FRMD4A: variants seen among roughly 807,000 people sequenced by gnomAD.
FRMD4A encodes the protein FERM domain containing 4A, also known as FERM domain-containing protein 4A.
FRMD4A carries 29 observed loss-of-function variants against 129.1 expected under a neutral mutation model. The ratio of observed to expected loss-of-function variants is 0.22; its 90% CI spans 0.17 to 0.31. The LOEUF (loss-of-function observed/expected upper bound fraction) is 0.31. FRMD4A is among the 10% of genes least tolerant of loss of function. The pLI is 1.00. For synonymous variants in FRMD4A, 634 were observed against 571.6 expected (o/e 1.11, Z -1.56); for missense variants, 1,272 against 1,375.8 (o/e 0.92, Z 1.19).
chr10:14,048,428 C>T (rs1468664770), intron 2 of FRMD4A, among the ~76,000 whole-genome samples: 1 of 152,214 alleles, frequency 6.6e-6, no homozygotes, highest in African/African-American at 2.4e-5. Flanking sequence ...GCCAGAATTT[C>T]ACAGTAGTAA....
At chr10:14,071,652 T>G (rs1835324834) in intron 2 of FRMD4A, among the ~76,000 whole-genome samples, 1 of 152,132 alleles carries the variant, frequency 6.6e-6, no homozygotes, top group Non-Finnish European at 1.5e-5. Context: ...AAATTATTAC[T>G]GTCCTTAAAC....
rs999844744 is a variant in FRMD4A, at chr10:14,006,590, A to G, written c.46-147678T>C. Among the ~76,000 whole-genome samples, 10 of 152,202 alleles carry G rather than the reference A, an allele frequency of 6.6e-5. No homozygotes were observed. In the East Asian group the frequency reaches 1.9e-3, roughly 29 times the overall value. On this transcript the variant is annotated intron_variant, in intron 2 of 24. Transcript: ENST00000357447. ...TTTGTGTGTGTGTGTGTGCGCGTCT[A>G]TAAAGGAAGACTATGTGCTCAATGT...
intron 2 of FRMD4A, among the ~76,000 whole-genome samples, chr10:13,860,850 C>T (rs2094285413): frequency 6.6e-6 from 1 of 152,090 alleles, no homozygotes; most frequent in South Asian, 2.1e-4. Context: ...ATGATCTTAA[C>T]TCACTGCAAC....
Position 14,159,789 on chromosome 10 carries a change from C to T in FRMD4A, c.45+170269G>A, listed in dbSNP as rs546702621. 5.3e-5 allele frequency among the ~76,000 whole-genome samples: 8 copies of T among 152,340 alleles called. No individual in the cohort carries two copies. The South Asian group carries it at 1.7e-3, about 32-fold the overall frequency. On this transcript the variant is annotated intron_variant, in intron 2 of 24. Coordinates refer to ENST00000357447, the MANE Select transcript of FRMD4A (RefSeq NM_018027.5). Reference sequence around the variant, plus strand: ...TGCTGGCTGGGCACAGTGACTCCCTCCTGTAATCCTCGCACTTTGGAAGAC... The same window carrying T: ...TGCTGGCTGGGCACAGTGACTCCCTTCTGTAATCCTCGCACTTTGGAAGAC...
intron 2 of FRMD4A, among the ~76,000 whole-genome samples, chr10:14,148,351 A>T (rs1278693145): frequency 6.6e-6 from 1 of 152,252 alleles, no homozygotes; most frequent in African/African-American, 2.4e-5. Flanking sequence ...TGGTTGACTA[A>T]AACAGGGCCA....
chr10:14,318,133 A>C (rs1421369001), intron 2 of FRMD4A, among the ~76,000 whole-genome samples: 1 of 152,114 alleles, frequency 6.6e-6, no homozygotes, highest in Admixed American at 6.5e-5. Flanking sequence ...GCCTAACGTA[A>C]AGCATTCCTG....
intron 4 of FRMD4A, among the ~76,000 whole-genome samples, chr10:13,799,144 C>A (rs2130835967): frequency 6.6e-6 from 1 of 152,280 alleles, no homozygotes; most frequent in East Asian, 1.9e-4. Context: ...TCATTTTCCC[C>A]AGCTGACTTT....
intron 2 of FRMD4A, among the ~76,000 whole-genome samples, chr10:13,913,673 G>T (rs568958415): frequency 6.6e-6 from 1 of 152,178 alleles, no homozygotes; most frequent in East Asian, 1.9e-4. Flanking sequence ...AGTAGATGGG[G>T]TATCCTTAGT....
chr10:13,658,307 T>G (rs2082350291), intron 21 of FRMD4A, among the ~76,000 whole-genome samples: 1 of 152,192 alleles, frequency 6.6e-6, no homozygotes, highest in African/African-American at 2.4e-5. Context: ...AGAAGGTTGG[T>G]GGCAAATGAG....
chr10:13,716,172 G>T (rs942357872), intron 12 of FRMD4A, among the ~76,000 whole-genome samples: 6 of 152,150 alleles, frequency 3.9e-5, no homozygotes, highest in Non-Finnish European at 8.8e-5. Flanking sequence ...TTGTGCTGGA[G>T]TTTGCTGTAT....
At chr10:14,037,827 T>A (rs1485420453) in intron 2 of FRMD4A, among the ~76,000 whole-genome samples, 1 of 152,206 alleles carries the variant, frequency 6.6e-6, no homozygotes, top group East Asian at 1.9e-4. Context: ...TGGCATCTCA[T>A]TTTTATTTCA....
intron 2 of FRMD4A, among the ~76,000 whole-genome samples, chr10:14,132,610 T>C (rs933899677): frequency 1.3e-5 from 2 of 152,222 alleles, no homozygotes; most frequent in Non-Finnish European, 2.9e-5. Context: ...ACAGTAGATC[T>C]GGAGTATTCC....
intron 2 of FRMD4A, among the ~76,000 whole-genome samples, chr10:14,287,715 T>C (rs184037826): frequency 2.6e-4 from 40 of 152,216 alleles, no homozygotes; most frequent in African/African-American, 9.4e-4. Context: ...AAAAGAATAC[T>C]TAGAAATAAA....
intron 3 of FRMD4A, among the ~76,000 whole-genome samples, chr10:13,850,310 C>T (rs1564909130): frequency 6.6e-6 from 1 of 151,850 alleles, no homozygotes; most frequent in Non-Finnish European, 1.5e-5. Flanking sequence ...CCATAATAGC[C>T]CAGACTATTT....
intron 5 of FRMD4A, 55 bp from the exon 6 acceptor site, chr10:13,783,061 G>C: frequency 1.3e-6 from 1 of 782,522 alleles, no homozygotes; most frequent in South Asian, 1.4e-5. Context: ...AGAAAATAAA[G>C]TGCTCTCTTG....
chr10:14,205,264 C>A (rs1445956762), intron 2 of FRMD4A, among the ~76,000 whole-genome samples: 2 of 152,152 alleles, frequency 1.3e-5, no homozygotes, highest in African/African-American at 2.4e-5. Flanking sequence ...ATTTCAACTA[C>A]TCCATAGCCA....
chr10:13,999,868 A>G (rs1464657268), intron 2 of FRMD4A, among the ~76,000 whole-genome samples: 1 of 152,240 alleles, frequency 6.6e-6, no homozygotes, highest in Non-Finnish European at 1.5e-5. Context: ...GCATACAAGC[A>G]CAGGCACACT....
chr10:14,237,777 C>G (rs535324127), intron 2 of FRMD4A, among the ~76,000 whole-genome samples: 47 of 152,282 alleles, frequency 3.1e-4, no homozygotes, highest in African/African-American at 1.1e-3. Flanking sequence ...TTATGTTGAC[C>G]ACTTAAGGTC....
At position 14,006,230 on chromosome 10, in the gene FRMD4A, G is replaced by A. The variant is rs545281091; in HGVS notation, c.46-147318C>T. Among the ~76,000 whole-genome samples the A allele has an allele frequency of 2.3e-4, 35 of 152,250 alleles. No homozygotes were observed. The South Asian group carries it at 2.5e-3, about 11-fold the overall frequency. On this transcript the variant is annotated intron_variant, in intron 2 of 24. Transcript: ENST00000357447. Reference sequence around the variant, plus strand: ...GGGTGAGGTGCTACCTCACCTTCACGGGGAAGACCCAATGTTCCAAGGATG... The same window carrying A: ...GGGTGAGGTGCTACCTCACCTTCACAGGGAAGACCCAATGTTCCAAGGATG...
Sources: gnomAD v4.1 joint callset for allele counts (sites outside exome capture counted in the v4.1 genomes callset) on GRCh38, gnomAD v4.1.1 for gene constraint, MANE v1.5 for transcripts, NCBI Gene and HGNC (gene_info 2026-07-23, HGNC 2026-07-21) for gene names.